The following DISC1 variants were observed in gnomAD, a reference collection of about 807,000 sequenced individuals.
DISC1 encodes disrupted in schizophrenia 1 protein.
A neutral mutation model predicts 84.5 loss-of-function variants in DISC1; 57 were observed. The observed-to-expected ratio is 0.67, with a 90% CI of 0.55 to 0.84. DISC1 has a LOEUF of 0.84. DISC1 is among the 40% of genes least tolerant of loss of function. The probability of loss-of-function intolerance (pLI) is 0.00; values close to 1 mark genes in which losing one functional copy is unlikely to be tolerated. For missense variants in DISC1, 1,000 were observed against 1,057.8 expected, an observed-to-expected ratio of 0.95 and a Z score of 0.76; for synonymous variants, 411 against 415.2, an observed-to-expected ratio of 0.99 and a Z score of 0.12.
chr1:231,768,164 G>T (rs1051921216), intron 5 of DISC1, among the ~76,000 whole-genome samples: 3 of 152,144 alleles, frequency 2.0e-5, no homozygotes, highest in African/African-American at 7.2e-5. Context: ...TTGAAACAGG[G>T]TCCATGCCTG....
chr1:231,680,437 T>G (rs925383030), intron 1 of DISC1, among the ~76,000 whole-genome samples: 9 of 152,176 alleles, frequency 5.9e-5, no homozygotes, highest in Non-Finnish European at 1.3e-4. Flanking sequence ...AGCAGGTTGT[T>G]GTAACATCAG....
intron 1 of DISC1, among the ~76,000 whole-genome samples, chr1:231,687,648 A>G (rs1033861981): frequency 1.9e-4 from 29 of 152,216 alleles, no homozygotes; most frequent in African/African-American, 6.8e-4. Flanking sequence ...CTTCATGCAC[A>G]TGGATGGTGG....
Position 231,630,537 on chromosome 1 carries a change from T to C in DISC1, c.67+3603T>C, listed in dbSNP as rs965190033. ...ATGAATCCAAGCAGAGCCCACTGTT[T>C]CCAGAGATTCCCTTGGCAGCCACCC... On this transcript the variant is annotated intron_variant, in intron 1 of 12. Transcript: ENST00000439617. The surrounding 1 kb of genome is among the most constrained non-coding windows in gnomAD (Gnocchi z 4.4). 8.5e-5 allele frequency among the ~76,000 whole-genome samples: 13 copies of C among 152,054 alleles called. No individual in the cohort carries two copies. The highest frequency in any genetic ancestry group is 2.7e-4 in the African/African-American group (11 of 41,378).
chr1:231,724,216 G>GC, intron 3 of DISC1: 1 of 244,192 alleles, frequency 4.1e-6, no homozygotes, highest in Non-Finnish European at 6.6e-6. Flanking sequence ...TGTCTCCTGG[G>GC]ATGCCCAGGG....
chr1:231,659,307 C>T (rs2061391513), intron 1 of DISC1, among the ~76,000 whole-genome samples: 1 of 152,094 alleles, frequency 6.6e-6, no homozygotes, highest in African/African-American at 2.4e-5. Context: ...GTTTGTATTT[C>T]TGTGGGGTTA....
At chr1:231,982,110 C>T (rs1485519291) in intron 10 of DISC1, among the ~76,000 whole-genome samples, 2 of 152,034 alleles carry the variant, frequency 1.3e-5, no homozygotes, top group Admixed American at 6.6e-5. Context: ...AATGATGATA[C>T]TATTAGAGAA....
chr1:231,747,190 C>G (rs888209996), intron 3 of DISC1, among the ~76,000 whole-genome samples: 1 of 152,186 alleles, frequency 6.6e-6, no homozygotes, highest in South Asian at 2.1e-4. Context: ...TTTAGCCTCC[C>G]AAAGTGCTGG....
At chr1:231,933,018 C>T (rs1408839570) in intron 9 of DISC1, among the ~76,000 whole-genome samples, 2 of 152,144 alleles carry the variant, frequency 1.3e-5, no homozygotes, top group Non-Finnish European at 1.5e-5. Flanking sequence ...CTATACCACC[C>T]GAGCATCACC....
chr1:232,028,242 G>A (rs1669663756), intron 12 of DISC1, among the ~76,000 whole-genome samples: 3 of 152,146 alleles, frequency 2.0e-5, no homozygotes, highest in African/African-American at 7.2e-5. Context: ...CCGCTGCAGA[G>A]AGTCAATGGA....
chr1:231,815,039 C>T (rs530451116), intron 8 of DISC1: 2 of 151,178 alleles, frequency 1.3e-5, no homozygotes, highest in South Asian at 2.1e-4. Flanking sequence ...AAGTTTGTAG[C>T]TATTATTGTG....
rs377761746 is a variant in DISC1, at chr1:231,858,261, C to T, written c.1981+39744C>T. ...TGGCTCTCTTCCCTGGCTAAGCATC[C>T]GGGCCACCTGCCCCAGCAGGTGAGC... On this transcript the variant is annotated intron_variant, in intron 9 of 12. Transcript: ENST00000439617. Among the ~76,000 whole-genome samples, 11 of 152,318 alleles carry T rather than the reference C, an allele frequency of 7.2e-5. No homozygotes were observed. In the South Asian group the frequency reaches 1.0e-3, roughly 14 times the overall value.
chr1:231,692,929 G>A (rs956987668), intron 1 of DISC1, among the ~76,000 whole-genome samples: 9 of 152,210 alleles, frequency 5.9e-5, no homozygotes, highest in Admixed American at 3.3e-4. Flanking sequence ...AAAGTGCTAT[G>A]CAATCTAAAA....
intron 9 of DISC1, chr1:231,866,818 A>G (rs2085096815): frequency 2.1e-6 from 2 of 965,914 alleles, no homozygotes; most frequent in African/African-American, 3.3e-5. Flanking sequence ...GTTTCTTAAT[A>G]CGAGGAAATG....
intron 10 of DISC1, among the ~76,000 whole-genome samples, chr1:231,979,921 C>T (rs1301069052): frequency 6.6e-6 from 1 of 152,002 alleles, no homozygotes; most frequent in Non-Finnish European, 1.5e-5. Flanking sequence ...ATTAAACCAC[C>T]AACTCGATGC....
intron 3 of DISC1, among the ~76,000 whole-genome samples, chr1:231,734,954 T>C (rs1212723376): frequency 6.6e-6 from 1 of 152,254 alleles, no homozygotes; most frequent in African/African-American, 2.4e-5. Flanking sequence ...CTAAGCTGTT[T>C]AGCATTAAGA....
chr1:231,750,242 A>G (rs995996077), intron 4 of DISC1, 166 bp downstream of exon 4: 19 of 1,430,188 alleles, frequency 1.3e-5, no homozygotes, highest in Non-Finnish European at 1.7e-5. Flanking sequence ...AGAGTGAGAG[A>G]TGGCCCATGT....
intron 3 of DISC1, among the ~76,000 whole-genome samples, chr1:231,737,038 G>C (rs1223840301): frequency 1.3e-5 from 2 of 152,170 alleles, no homozygotes; most frequent in African/African-American, 4.8e-5. Context: ...CCAAGTAAGA[G>C]TCACTTATTA....
chr1:231,785,508 G>A (rs1196616784), intron 6 of DISC1, among the ~76,000 whole-genome samples: 1 of 151,894 alleles, frequency 6.6e-6, no homozygotes, highest in Middle Eastern at 3.4e-3. Flanking sequence ...TGTCCAGGCT[G>A]GTCTTGAACT....
At chr1:232,011,435 C>T (rs1668009529) in intron 11 of DISC1, among the ~76,000 whole-genome samples, 1 of 152,146 alleles carries the variant, frequency 6.6e-6, no homozygotes, top group Admixed American at 6.5e-5. Flanking sequence ...CTTTTGCTGG[C>T]TTTCAGTATC....
Sources: gnomAD v4.1 joint callset for allele counts (sites outside exome capture counted in the v4.1 genomes callset) on GRCh38, gnomAD v4.1.1 for gene constraint, Gnocchi (gnomAD v3.1) non-coding constraint, MANE v1.5 for transcripts, NCBI Gene and HGNC (gene_info 2026-07-23, HGNC 2026-07-21) for gene names.